The following RPS6KA2 variants were observed in gnomAD, a reference collection of about 807,000 sequenced individuals.
RPS6KA2 encodes the protein ribosomal protein S6 kinase A2.
RPS6KA2 carries 42 observed loss-of-function variants against 91.8 expected under a neutral mutation model. The ratio of observed to expected loss-of-function variants is 0.46; its 90% confidence interval spans 0.36 to 0.59. The LOEUF (loss-of-function observed/expected upper bound fraction) is 0.59, where lower values mean the gene tolerates loss of function less well. RPS6KA2 is among the 20% of genes least tolerant of loss of function. The pLI, the probability that RPS6KA2 is intolerant of heterozygous loss-of-function variation, is 0.00. For missense variants in RPS6KA2, 798 were observed against 978.5 expected, an observed-to-expected ratio of 0.82 and a Z score of 2.46; for synonymous variants, 414 against 393.6, an observed-to-expected ratio of 1.05 and a Z score of -0.61.
chr6:166,508,183 G>A lies in RPS6KA2; in HGVS notation c.459+20C>T, dbSNP rs766637981. The A allele has an allele frequency of 1.3e-6, 2 of 1,565,648 alleles. No homozygotes were observed. The highest frequency in any genetic ancestry group is 1.8e-6 in the Non-Finnish European group (2 of 1,136,430). On this transcript the variant is annotated intron_variant, in intron 5 of 20. Transcript: ENST00000265678. This position sits in a 1 kb window ranked among gnomAD's most constrained non-coding sequence, Gnocchi z 4.3. ...CAGAAGCTCCTGCCCGCCCTCCTGT[G>A]TGATGTGGCGGCTGCTCACCTCTTT...
chr6:166,720,434 T>C (rs551092710), intron 2 of RPS6KA2, among the ~76,000 whole-genome samples: 3 of 152,266 alleles, frequency 2.0e-5, no homozygotes, highest in African/African-American at 7.2e-5. Context: ...ATATCTGCAA[T>C]GCACTTCTTT....
chr6:166,532,656 C>T lies in RPS6KA2; in HGVS notation c.217-1343G>A, dbSNP rs573434616. Among the ~76,000 whole-genome samples, 14 of 152,268 alleles carry T rather than the reference C, an allele frequency of 9.2e-5. No individual in the cohort carries two copies. The South Asian group carries it at 1.0e-3, about 11-fold the overall frequency. On this transcript the variant is annotated intron_variant, in intron 2 of 20. Transcript: ENST00000265678. Reference sequence around the variant, plus strand: ...GGGAAAGCACCCCAGCACCCCTACCCGGGGTGCAGGACGGTACAGCATCAT... The same window carrying T: ...GGGAAAGCACCCCAGCACCCCTACCTGGGGTGCAGGACGGTACAGCATCAT...
chr6:166,715,857 G>A (rs1314930976), intron 2 of RPS6KA2, among the ~76,000 whole-genome samples: 3 of 152,004 alleles, frequency 2.0e-5, no homozygotes, highest in Non-Finnish European at 4.4e-5. Flanking sequence ...GGGCAACATG[G>A]TGAAACCCCG....
intron 1 of RPS6KA2, among the ~76,000 whole-genome samples, chr6:166,618,837 T>C (rs3778372): frequency 0.2 from 30,574 of 152,168 alleles, 3,304 homozygotes; most frequent in African/African-American, 0.3. Context: ...TCATGAGCCT[T>C]GACACCGCAG....
At chr6:166,824,943 G>C (rs1780015322) in intron 2 of RPS6KA2, among the ~76,000 whole-genome samples, 1 of 152,240 alleles carries the variant, frequency 6.6e-6, no homozygotes, top group Admixed American at 6.5e-5. Context: ...CATCAGGACA[G>C]TTGCAGGCCA....
intron 2 of RPS6KA2, chr6:166,771,054 T>TAC: frequency 1.6e-6 from 1 of 632,122 alleles, no homozygotes; most frequent in Non-Finnish European, 2.6e-6. Context: ...TCCACATAAT[T>TAC]TTAAGTAATT....
At chr6:166,534,954 C>T (rs553074690) in intron 2 of RPS6KA2, among the ~76,000 whole-genome samples, 7 of 152,330 alleles carry the variant, frequency 4.6e-5, no homozygotes, top group East Asian at 3.9e-4. Flanking sequence ...TGCTGGTCTG[C>T]GACAGGGATC....
chr6:166,449,506 C>T (rs922352032), intron 13 of RPS6KA2, among the ~76,000 whole-genome samples: 5 of 152,296 alleles, frequency 3.3e-5, no homozygotes, highest in African/African-American at 1.2e-4. Flanking sequence ...ATTCTGGTTA[C>T]ATTTATTAGG....
chr6:166,791,980 C>G (rs1360927504), intron 2 of RPS6KA2, among the ~76,000 whole-genome samples: 1 of 151,732 alleles, frequency 6.6e-6, no homozygotes, highest in Non-Finnish European at 1.5e-5. Flanking sequence ...CAAACACATT[C>G]AAAAGCTAGC....
At chr6:166,750,176 G>T (rs1347743558) in intron 2 of RPS6KA2, among the ~76,000 whole-genome samples, 1 of 152,198 alleles carries the variant, frequency 6.6e-6, no homozygotes, top group Non-Finnish European at 1.5e-5. Flanking sequence ...CATCCGCCTA[G>T]GTTTTGTTAG....
chr6:166,578,918 T>C (rs1450466278), intron 1 of RPS6KA2, among the ~76,000 whole-genome samples: 1 of 152,242 alleles, frequency 6.6e-6, no homozygotes, highest in African/African-American at 2.4e-5. Context: ...GTTTATGAGA[T>C]TCTGCATTTA....
In RPS6KA2 at chr6:166,418,339, A is replaced by T. The variant is rs1778609859; in HGVS notation, c.1824T>A (p.Phe608Leu). 2.5e-6 allele frequency: 4 copies of T among 1,608,188 alleles called. No individual in the cohort carries two copies. The highest frequency in any genetic ancestry group is 3.4e-6 in the Non-Finnish European group (4 of 1,176,736). ...GILLYTMLAG[F>L]TPFANGPDDT... is the part of the protein sequence containing the mutation. ...CGTCTGGCCCATTTGCAAAAGGGGT[A>T]AATCTGTATAATTAGACAAATTTGT... Residue 608 changes from phenylalanine to leucine, a missense_variant, in exon 19 of 21, where the codon TTT becomes TTA. Transcript: ENST00000265678. The surrounding 1 kb of genome is among the most constrained non-coding windows in gnomAD (Gnocchi z 4.9).
chr6:166,571,734 C>T (rs1181719952), intron 1 of RPS6KA2, among the ~76,000 whole-genome samples: 1 of 150,754 alleles, frequency 6.6e-6, no homozygotes. Flanking sequence ...AAATATCTAA[C>T]ATTTGCCACG....
In RPS6KA2 at chr6:166,493,700, G is replaced by A. The variant is rs568330746; in HGVS notation, c.748-2959C>T. Among the ~76,000 whole-genome samples, 136 of 152,248 alleles carry A rather than the reference G, an allele frequency of 8.9e-4. 1 individual carries two copies. Among genetic ancestry groups the A allele is most frequent in the Non-Finnish European group, 1.7e-3 (114 of 68,022 alleles). On this transcript the variant is annotated intron_variant, in intron 8 of 20. Transcript: ENST00000265678. This position sits in a 1 kb window ranked among gnomAD's most constrained non-coding sequence, Gnocchi z 4.7. The stretch of plus-strand genomic sequence containing the variant: ...GGGAAGGTAATTGGACAGACATAAC[G>A]CAGTGCTTCTCAACTGGGGTCACCG...
chr6:166,815,817 T>C (rs1034560877), intron 2 of RPS6KA2, among the ~76,000 whole-genome samples: 10 of 152,218 alleles, frequency 6.6e-5, no homozygotes, highest in Non-Finnish European at 1.3e-4. Flanking sequence ...AGAGTTTCAG[T>C]ACCGCGGACA....
chr6:166,688,286 A>G (rs531790629), intron 2 of RPS6KA2, among the ~76,000 whole-genome samples: 85 of 151,842 alleles, frequency 5.6e-4, no homozygotes, highest in African/African-American at 1.6e-3. Flanking sequence ...TTTGAGGGGG[A>G]ACTTGAAAAA....
At chr6:166,622,140 G>A (rs891310972) in intron 1 of RPS6KA2, among the ~76,000 whole-genome samples, 1 of 152,130 alleles carries the variant, frequency 6.6e-6, no homozygotes, top group Non-Finnish European at 1.5e-5. Flanking sequence ...CAGTCAGCAC[G>A]TGGGTTTACG....
At chr6:166,725,863 C>T (rs894627751) in intron 2 of RPS6KA2, among the ~76,000 whole-genome samples, 1 of 152,172 alleles carries the variant, frequency 6.6e-6, no homozygotes. Context: ...GCAGTGTCAG[C>T]TGAGGGGTGG....
chr6:166,765,300 C>T (rs1288359938), intron 2 of RPS6KA2, among the ~76,000 whole-genome samples: 2 of 152,164 alleles, frequency 1.3e-5, no homozygotes, highest in Non-Finnish European at 2.9e-5. Flanking sequence ...TCAGCAGGTG[C>T]GTCCAGCACA....
Sources: allele counts gnomAD v4.1 joint callset (sites outside exome capture counted in the v4.1 genomes callset), GRCh38; gene constraint gnomAD v4.1.1; non-coding constraint Gnocchi (gnomAD v3.1); transcripts MANE v1.5; gene names NCBI Gene and HGNC (gene_info 2026-07-23, HGNC 2026-07-21).